The following SLC2A13 variants were observed in gnomAD, a reference collection of about 807,000 sequenced individuals.
The protein encoded by SLC2A13 is proton myo-inositol cotransporter.
In SLC2A13, 32 loss-of-function variants were observed where a neutral mutation model predicts 64.4. That is an observed-to-expected ratio of 0.50 (90% confidence interval 0.37 to 0.67). The LOEUF is 0.67. Among genes scored for constraint, SLC2A13 ranks in the 30% least tolerant of loss-of-function variants. SLC2A13 has a pLI of 0.00. For missense variants in SLC2A13, 743 were observed against 829.2 expected, an observed-to-expected ratio of 0.90 and a Z score of 1.28; for synonymous variants, 338 against 327.1, an observed-to-expected ratio of 1.03 and a Z score of -0.36.
At chr12:39,929,792 GA>G (rs1443564797) in intron 4 of SLC2A13, among the ~76,000 whole-genome samples, 4 of 152,150 alleles carry the variant, frequency 2.6e-5, no homozygotes, top group African/African-American at 9.7e-5. Context: ...AAAGTATGCA[GA>G]AAGAATTAGT....
At chr12:40,057,950 C>T (rs570119067) in intron 1 of SLC2A13, among the ~76,000 whole-genome samples, 21 of 152,000 alleles carry the variant, frequency 1.4e-4, no homozygotes, top group African/African-American at 4.3e-4. Context: ...CACCCACCAA[C>T]GGATATTATC....
intron 4 of SLC2A13, among the ~76,000 whole-genome samples, chr12:39,921,050 G>A (rs1003627183): frequency 3.3e-5 from 5 of 151,644 alleles, no homozygotes; most frequent in African/African-American, 1.2e-4. Flanking sequence ...GAATACTGGG[G>A]GTAATTCTAA....
intron 4 of SLC2A13, among the ~76,000 whole-genome samples, chr12:39,913,092 A>G (rs1945457668): frequency 1.3e-5 from 2 of 152,082 alleles, no homozygotes; most frequent in Admixed American, 1.3e-4. Flanking sequence ...ATGGAGAGTA[A>G]ATACCTTAGT....
intron 1 of SLC2A13, among the ~76,000 whole-genome samples, chr12:40,055,178 T>C (rs1948315824): frequency 6.6e-6 from 1 of 152,138 alleles, no homozygotes; most frequent in Non-Finnish European, 1.5e-5. Context: ...CTTAAGACAC[T>C]CAGAAAAGAT....
At chr12:39,996,277 T>C (rs1187985742) in intron 3 of SLC2A13, among the ~76,000 whole-genome samples, 1 of 152,144 alleles carries the variant, frequency 6.6e-6, no homozygotes, top group African/African-American at 2.4e-5. Context: ...TGGTATCTAG[T>C]GGAAGAAATT....
At chr12:39,971,983 G>GGAA (rs1946653695) in intron 3 of SLC2A13, among the ~76,000 whole-genome samples, 1 of 95,808 alleles carries the variant, frequency 1.0e-5, no homozygotes, top group African/African-American at 4.1e-5. Context: ...AGTGTCTCCA[G>GGAA]AAAAAAAAAA....
chr12:39,763,791 T>C (rs1307253330), intron 9 of SLC2A13, among the ~76,000 whole-genome samples: 1 of 152,140 alleles, frequency 6.6e-6, no homozygotes, highest in African/African-American at 2.4e-5. Context: ...ATCTTTTTTC[T>C]AAAAAGCAAA....
intron 7 of SLC2A13, among the ~76,000 whole-genome samples, chr12:39,824,487 T>C (rs976749900): frequency 7.2e-5 from 11 of 152,200 alleles, no homozygotes; most frequent in Non-Finnish European, 4.4e-5. Flanking sequence ...TTCTTATACC[T>C]GTGTTCAATC....
At chr12:39,819,208 T>C (rs561634541) in intron 7 of SLC2A13, among the ~76,000 whole-genome samples, 1 of 152,192 alleles carries the variant, frequency 6.6e-6, no homozygotes, top group South Asian at 2.1e-4. Flanking sequence ...TCAAGAACAA[T>C]AAGGAATATA....
intron 1 of SLC2A13, among the ~76,000 whole-genome samples, chr12:40,053,281 C>CAA (rs35810974): frequency 0.027 from 1,808 of 68,206 alleles, 63 homozygotes; most frequent in African/African-American, 0.078. Flanking sequence ...GACTCCATCT[C>CAA]AAAAAAAAAA....
At chr12:40,088,195 T>TGG (rs1938647861) in intron 1 of SLC2A13, among the ~76,000 whole-genome samples, 1 of 152,158 alleles carries the variant, frequency 6.6e-6, no homozygotes, top group East Asian at 1.9e-4. Context: ...GTAAAGACAC[T>TGG]AAGTACAAAA....
chr12:39,864,336 T>G (rs137931387), intron 6 of SLC2A13, among the ~76,000 whole-genome samples: 4 of 152,236 alleles, frequency 2.6e-5, no homozygotes, highest in Non-Finnish European at 5.9e-5. Flanking sequence ...AGGATAGCCA[T>G]GCAAATCAGT....
chr12:40,098,035 A>G (rs1217503947), intron 1 of SLC2A13, among the ~76,000 whole-genome samples: 1 of 151,086 alleles, frequency 6.6e-6, no homozygotes, highest in African/African-American at 2.4e-5. Flanking sequence ...ATGTATGTAT[A>G]TATGTATATA....
At chr12:39,990,689 G>T (rs1947120694) in intron 3 of SLC2A13, among the ~76,000 whole-genome samples, 1 of 152,076 alleles carries the variant, frequency 6.6e-6, no homozygotes, top group Admixed American at 6.5e-5. Flanking sequence ...ACACTGTGGG[G>T]GGCCTCCATT....
intron 3 of SLC2A13, among the ~76,000 whole-genome samples, chr12:39,989,633 T>A (rs1167114646): frequency 6.6e-6 from 1 of 152,156 alleles, no homozygotes; most frequent in Non-Finnish European, 1.5e-5. Context: ...ACACTGAAAC[T>A]AGGTCTTAAA....
At chr12:40,093,634 A>C (rs780982170) in intron 1 of SLC2A13, among the ~76,000 whole-genome samples, 1 of 152,174 alleles carries the variant, frequency 6.6e-6, no homozygotes, top group African/African-American at 2.4e-5. Context: ...CTAAGAAGAG[A>C]TGCTTGAGGA....
At chr12:40,053,240 C>A (rs1468396795) in intron 1 of SLC2A13, among the ~76,000 whole-genome samples, 1 of 145,034 alleles carries the variant, frequency 6.9e-6, no homozygotes, top group East Asian at 2.1e-4. Flanking sequence ...CAAGATGGTA[C>A]CACTGCACTA....
chr12:40,032,087 C>G (rs1393651016), intron 2 of SLC2A13, among the ~76,000 whole-genome samples: 1 of 152,154 alleles, frequency 6.6e-6, no homozygotes, highest in Non-Finnish European at 1.5e-5. Flanking sequence ...TTTCCAGGCC[C>G]CACCCTTCCC....
rs532069096 is a variant in SLC2A13 at position 39,799,062 on chromosome 12, C to G, written c.1445+31041G>C. ...TACAGCCACCTGAAGAATTACTGTT[C>G]TGGTTTTTTTTTTTTTTCCTTTTTT... On this transcript the variant is annotated intron_variant, in intron 7 of 9. Coordinates refer to ENST00000280871, the MANE Select transcript of SLC2A13 (RefSeq NM_052885.4). Among the ~76,000 whole-genome samples the G allele has an allele frequency of 2.8e-5, 4 of 145,290 alleles. No homozygotes were observed. In the East Asian group the frequency reaches 8.0e-4, roughly 29 times the overall value.
Sources: allele counts gnomAD v4.1 joint callset (sites outside exome capture counted in the v4.1 genomes callset), GRCh38; gene constraint gnomAD v4.1.1; transcripts MANE v1.5; gene names NCBI Gene and HGNC (gene_info 2026-07-23, HGNC 2026-07-21).